SEC23IP: variants seen among roughly 807,000 people sequenced by gnomAD.
The protein encoded by SEC23IP is SEC23 interacting protein, also known as SEC23-interacting protein.
In SEC23IP, 70 loss-of-function variants were observed where a neutral mutation model predicts 113.4. That is an observed-to-expected ratio of 0.62 (90% CI 0.51 to 0.75). The LOEUF (loss-of-function observed/expected upper bound fraction) is 0.75, where lower values mean the gene tolerates loss of function less well. Among genes scored for constraint, SEC23IP ranks in the 30% least tolerant of loss-of-function variants. SEC23IP has a pLI of 0.00. For synonymous variants in SEC23IP, 398 were observed against 421.0 expected, an observed-to-expected ratio of 0.95 and a Z score of 0.67; for missense variants, 1,160 against 1,204.9, an observed-to-expected ratio of 0.96 and a Z score of 0.55.
intron 17 of SEC23IP, among the ~76,000 whole-genome samples, 178 bp from the exon 18 acceptor site, chr10:119,933,508 G>A (rs2279939): frequency 0.054 from 8,282 of 152,232 alleles, 417 homozygotes; most frequent in South Asian, 0.26. Context: ...TATTCATCTA[G>A]TTTTTAAGGA....
chr10:119,925,268 T>C (rs770690953), intron 12 of SEC23IP, among the ~76,000 whole-genome samples: 1 of 152,214 alleles, frequency 6.6e-6, no homozygotes, highest in Non-Finnish European at 1.5e-5. Context: ...AAAACCACTC[T>C]TCTGATTTCC....
At chr10:119,918,995 AT>A (rs61207350) in intron 10 of SEC23IP, among the ~76,000 whole-genome samples, 83 of 143,772 alleles carry the variant, frequency 5.8e-4, no homozygotes, top group African/African-American at 1.8e-3. Context: ...AGAATATTCA[AT>A]TTTTTTTTTT....
Position 119,942,113 on chromosome 10 carries a change from A to C in SEC23IP, c.*1548A>C, listed in dbSNP as rs1855981967. The C allele has an allele frequency of 6.6e-6, 1 of 152,174 alleles. No individual in the cohort carries two copies. The highest frequency in any genetic ancestry group is 1.5e-5 in the Non-Finnish European group (1 of 68,034). The allele number at this position is 152,174 out of a possible 1,614,324, so 9.4% of individuals were successfully genotyped here. On this transcript the variant is annotated 3_prime_UTR_variant, in exon 19 of 19. Transcript: ENST00000369075. The stretch of plus-strand genomic sequence containing the variant: ...AGAAAAATGAGGGTTATTTATATAC[A>C]TTTCAATAAAATCCAATTTGATTTT...
chr10:119,920,740 A>G (rs1855227823), intron 11 of SEC23IP, 149 bp from the exon 12 acceptor site: 1 of 523,978 alleles, frequency 1.9e-6, no homozygotes, highest in Non-Finnish European at 3.3e-6. Context: ...AAACTGATGC[A>G]TGATTTAAAT....
chr10:119,930,926 G>A (rs1285623793), intron 15 of SEC23IP, among the ~76,000 whole-genome samples: 1 of 152,196 alleles, frequency 6.6e-6, no homozygotes, highest in Non-Finnish European at 1.5e-5. Context: ...ACATTTAAAA[G>A]TTTGGGTGGA....
chr10:119,931,988 T>G (rs577319855), intron 15 of SEC23IP, 145 bp from the exon 16 acceptor site: 6 of 528,188 alleles, frequency 1.1e-5, no homozygotes, highest in Non-Finnish European at 1.7e-5. Flanking sequence ...TGAGGGTTCT[T>G]GGCTGAGGCA....
Position 119,936,543 on chromosome 10 carries a change from CAAAAAAAAAAAA to C in SEC23IP, c.*20+2766_*20+2777del, listed in dbSNP as rs35075710. The stretch of plus-strand genomic sequence containing the variant: ...TGGGCAACAGCATGCGATTCCGTCT[CAAAAAAAAAAAA>C]AAAAAAAAAGCTTTTTGATCCCTAC... On this transcript the variant is annotated intron_variant, in intron 18 of 18. Coordinates refer to ENST00000369075, the MANE Select transcript of SEC23IP (RefSeq NM_007190.4). 4.0e-3 allele frequency among the ~76,000 whole-genome samples: 308 copies of C among 76,852 alleles called. 4 individuals carry two copies. The highest frequency in any genetic ancestry group is 0.028 in the East Asian group (74 of 2,630). The allele number at this position is 76,852 out of a possible 152,430, so 50.4% of individuals were successfully genotyped here. A position where few individuals can be genotyped will look rare whatever the true frequency, so the allele number is the denominator to read the frequency against.
chr10:119,929,114 A>G (rs754225929), intron 13 of SEC23IP, among the ~76,000 whole-genome samples: 2 of 152,384 alleles, frequency 1.3e-5, no homozygotes, highest in South Asian at 2.1e-4. Flanking sequence ...TTTTAACCAT[A>G]TTTATAACCA....
At position 119,926,101 on chromosome 10, in the gene SEC23IP, C is replaced by T; in HGVS notation, c.2187C>T (p.Ala729=). Reference sequence around the variant, plus strand: ...CTACAAAAGGACAAGAGCAAAGTGCCCAGAAGACTAAAGACATGGCTTCCC... The same window carrying T: ...CTACAAAAGGACAAGAGCAAAGTGCTCAGAAGACTAAAGACATGGCTTCCC... The part of the protein sequence containing the change: ...ATSTKGQEQS[A]QKTKDMASLP... The change falls in exon 13 of 19, where the codon GCC becomes GCT. Residue 729 remains alanine (A), a synonymous_variant. Coordinates refer to ENST00000369075, the MANE Select transcript of SEC23IP (RefSeq NM_007190.4). The T allele has an allele frequency of 2.5e-6, 4 of 1,614,040 alleles. No individual in the cohort carries two copies. In the South Asian group the frequency reaches 4.4e-5, roughly 18 times the overall value.
At chr10:119,897,886 T>A (rs1458458904) in intron 1 of SEC23IP, among the ~76,000 whole-genome samples, 1 of 151,330 alleles carries the variant, frequency 6.6e-6, no homozygotes, top group African/African-American at 2.4e-5. Flanking sequence ...GTGCCTGTAA[T>A]CCCAGCTACT....
At position 119,915,862 on chromosome 10, in the gene SEC23IP, T is replaced by C. The variant is rs1180146633; in HGVS notation, c.1517T>C (p.Leu506Ser). The C allele has an allele frequency of 6.3e-7, 1 of 1,585,650 alleles. No individual in the cohort carries two copies. Among genetic ancestry groups the C allele is most frequent in the South Asian group, 1.2e-5 (1 of 84,460 alleles). ...CTTCCAGTTCATTGGCATAGTTCTTTGGGTGGGGACGCCACAGGTGTGGAC... is the reference window on the plus strand; with the variant it reads ...CTTCCAGTTCATTGGCATAGTTCTTCGGGTGGGGACGCCACAGGTGTGGAC... Reference protein sequence around the residue: ...EFLPVHWHSSLGGDATGVDRN... With the variant: ...EFLPVHWHSSSGGDATGVDRN... Residue 506 changes from leucine (L) to serine (S), a missense_variant, in exon 8 of 19, where the codon TTG (leucine) becomes TCG (serine). Physicochemically the swap from Leu to Ser is moderately radical, Grantham distance 145. Coordinates refer to ENST00000369075, the MANE Select transcript of SEC23IP (RefSeq NM_007190.4).
intron 13 of SEC23IP, among the ~76,000 whole-genome samples, chr10:119,929,278 G>A (rs1289999656): frequency 6.6e-6 from 1 of 152,084 alleles, no homozygotes; most frequent in Non-Finnish European, 1.5e-5. Flanking sequence ...CAGTCACCCA[G>A]GCTGGAGTGC....
chr10:119,938,826 T>G (rs192592203), intron 18 of SEC23IP, among the ~76,000 whole-genome samples: 1 of 152,360 alleles, frequency 6.6e-6, no homozygotes, highest in East Asian at 1.9e-4. Flanking sequence ...TTTTATTTAC[T>G]TCTTCTTACA....
chr10:119,929,530 G>A (rs183959073), intron 13 of SEC23IP, 77 bp from the exon 14 acceptor site: 241 of 1,310,080 alleles, frequency 1.8e-4, no homozygotes, highest in Non-Finnish European at 2.4e-4. Context: ...CACCACGCCC[G>A]GCCTGAAAAT....
chr10:119,898,527 C>A lies in SEC23IP; in HGVS notation c.264C>A (p.Ser88Arg). Residue 88 changes from serine (S) to arginine (R), a missense_variant, in exon 2 of 19, where the codon AGC (serine) becomes AGA (arginine). Ser to Arg is a moderately radical substitution (Grantham distance 110). Coordinates refer to ENST00000369075, the MANE Select transcript of SEC23IP (RefSeq NM_007190.4). The part of the protein sequence containing the change: ...QTFSYFSQVS[S>R]SSDPFGNIGQ... The stretch of plus-strand genomic sequence containing the variant: ...TTAGTTACTTCTCTCAGGTATCAAG[C>A]AGCAGTGATCCTTTTGGGAATATTG... The A allele has an allele frequency of 6.2e-6, 10 of 1,614,202 alleles. No individual in the cohort carries two copies. Among genetic ancestry groups the A allele is most frequent in the Non-Finnish European group, 8.5e-6 (10 of 1,180,034 alleles).
chr10:119,925,805 G>A (rs1035195063), intron 12 of SEC23IP, among the ~76,000 whole-genome samples: 2 of 152,180 alleles, frequency 1.3e-5, no homozygotes, highest in Non-Finnish European at 2.9e-5. Flanking sequence ...GTCTCCCAAA[G>A]TGCTGAGATT....
intron 4 of SEC23IP, among the ~76,000 whole-genome samples, chr10:119,907,306 AG>A (rs900235485): frequency 1.1e-4 from 16 of 152,064 alleles, no homozygotes; most frequent in Non-Finnish European, 1.5e-5. Flanking sequence ...AAAAAAAAAA[AG>A]TACGGAAGAC....
In SEC23IP at chr10:119,942,344, T is replaced by TACAC. The variant is rs3981101; in HGVS notation, c.*1787_*1790dup. 2.6e-4 allele frequency: 39 copies of TACAC among 152,100 alleles called. No homozygotes were observed. Among genetic ancestry groups the TACAC allele is most frequent in the Middle Eastern group, 3.4e-3 (1 of 294 alleles). 9.4% of individuals were successfully genotyped at this position (152,100 alleles called of 1,614,324 possible). On this transcript the variant is annotated 3_prime_UTR_variant, in exon 19 of 19. Coordinates refer to ENST00000369075, the MANE Select transcript of SEC23IP (RefSeq NM_007190.4). ...ATACTCATACATACATATATATATA[T>TACAC]ACACACACACATATGTATGTATGTA...
At chr10:119,911,972 G>A (rs2094823544) in intron 5 of SEC23IP, 72 bp from the exon 6 acceptor site, 12 of 1,567,656 alleles carry the variant, frequency 7.7e-6, no homozygotes, top group Non-Finnish European at 1.7e-6. Context: ...CTTATTATGT[G>A]TTAAACTACT....
Sources: gnomAD v4.1 joint callset for allele counts (sites outside exome capture counted in the v4.1 genomes callset) on GRCh38, gnomAD v4.1.1 for gene constraint, MANE v1.5 for transcripts, NCBI Gene and HGNC (gene_info 2026-07-23, HGNC 2026-07-21) for gene names.